Variants in INHBB observed in about 807,000 individuals in gnomAD.
INHBB encodes inhibin beta B chain.
In INHBB, 8 loss-of-function variants were observed where a neutral mutation model predicts 28.9. The ratio of observed to expected loss-of-function variants is 0.28; its 90% CI spans 0.16 to 0.50. The LOEUF (loss-of-function observed/expected upper bound fraction) is 0.50. INHBB is among the 20% of genes least tolerant of loss of function. The pLI is 0.98. For missense variants in INHBB, 499 were observed against 597.8 expected (o/e 0.83, Z 1.72); for synonymous variants, 293 against 262.7 (o/e 1.12, Z -1.12).
chr2:120,346,380 A>G lies in INHBB; in HGVS notation c.192A>G (p.Pro64=), dbSNP rs752529969. ...CGTCGTGCGGCGGCTTCCGGCGGCC[A>G]GAGGAGCTCGGCCGAGTGGACGGCG... The part of the protein sequence containing the change: ...TCTSCGGFRR[P]EELGRVDGDF... The change falls in exon 1 of 2, where the codon CCA becomes CCG. Residue 64 remains proline (P), a synonymous_variant. Transcript: ENST00000295228. 9.2e-5 allele frequency: 135 copies of G among 1,467,220 alleles called. No homozygotes were observed. The African/African-American group carries it at 1.8e-3, about 20-fold the overall frequency. The allele number at this position is 1,467,220 out of a possible 1,614,324, so 90.9% of individuals were successfully genotyped here.
At chr2:120,348,283 G>A (rs1044523453) in intron 1 of INHBB, among the ~76,000 whole-genome samples, 1 of 150,078 alleles carries the variant, frequency 6.7e-6, no homozygotes, top group Non-Finnish European at 1.5e-5. Flanking sequence ...AAGGGTCACC[G>A]GAATGTAGGA....
Position 120,350,671 on chromosome 2 carries a change from A to G in INHBB, c.*797A>G, listed in dbSNP as rs2104575797. ...AATTTGATGCTTTAACTGATCTCCA[A>G]CAGTTGACAGGTCATCCTTGCCAGT... is the stretch of plus-strand genomic sequence containing the variant. On this transcript the variant is annotated 3_prime_UTR_variant, in exon 2 of 2. Transcript: ENST00000295228. 1 of 152,436 alleles carries G rather than the reference A, an allele frequency of 6.6e-6. No homozygotes were observed. The highest frequency in any genetic ancestry group is 1.9e-4 in the East Asian group (1 of 5,186). 9.4% of individuals were successfully genotyped at this position (152,436 alleles called of 1,614,324 possible).
Position 120,346,524 on chromosome 2 carries a change from G to C in INHBB, c.336G>C (p.Ala112=), listed in dbSNP as rs1231032195. ...AMVTALRKLH[A]GKVREDGRVE... ...TCACGGCCCTGCGCAAGCTGCACGC[G>C]GGCAAGGTGCGCGAGGACGGCCGCG... Residue 112 remains alanine (A), a synonymous_variant, in exon 1 of 2, where the codon GCG becomes GCC. Transcript: ENST00000295228. 2.0e-6 allele frequency: 3 copies of C among 1,530,028 alleles called. No individual in the cohort carries two copies. Among genetic ancestry groups the C allele is most frequent in the Non-Finnish European group, 2.6e-6 (3 of 1,145,070 alleles). The allele number at this position is 1,530,028 out of a possible 1,614,324, so 94.8% of individuals were successfully genotyped here. A position where few individuals can be genotyped will look rare whatever the true frequency, so the allele number is the denominator to read the frequency against.
Position 120,346,629 on chromosome 2 carries a change from C to T in INHBB, c.441C>T (p.Ala147=), listed in dbSNP as rs200993826. Residue 147 remains alanine, a synonymous_variant, in exon 1 of 2, where the codon GCC becomes GCT. Transcript: ENST00000295228. The stretch of plus-strand genomic sequence containing the variant: ...GCGTTTCCGAAATCATCAGCTTCGC[C>T]GAGACAGGTGGGTCCGGCCCTCCGG... ...QERVSEIISF[A]ETDGLASSRV... The T allele has an allele frequency of 9.1e-5, 132 of 1,445,856 alleles. 1 individual carries two copies. The East Asian group carries it at 3.6e-3, about 39-fold the overall frequency. The allele number at this position is 1,445,856 out of a possible 1,614,324, so 89.6% of individuals were successfully genotyped here.
At chr2:120,348,678 A>T (rs995303199) in intron 1 of INHBB, among the ~76,000 whole-genome samples, 1 of 138,742 alleles carries the variant, frequency 7.2e-6, no homozygotes, top group Non-Finnish European at 1.6e-5. Flanking sequence ...AAAAAAAAAA[A>T]GCCCTACTAA....
chr2:120,350,495 T>A lies in INHBB; in HGVS notation c.*621T>A, dbSNP rs1311345404. 2 of 152,632 alleles carry A rather than the reference T, an allele frequency of 1.3e-5. No individual in the cohort carries two copies. The highest frequency in any genetic ancestry group is 1.9e-4 in the East Asian group (1 of 5,162). 9.5% of individuals were successfully genotyped at this position (152,632 alleles called of 1,614,324 possible). A position where few individuals can be genotyped will look rare whatever the true frequency, so the allele number is the denominator to read the frequency against. On this transcript the variant is annotated 3_prime_UTR_variant, in exon 2 of 2. Transcript: ENST00000295228. ...GGGAGCCTGTCCTTCCATGCCCTTG[T>A]CGAGGGAAAGAGACCCAGAAAGGAC... is the stretch of plus-strand genomic sequence containing the variant.
chr2:120,346,734 C>T (rs908208248), intron 1 of INHBB, 98 bp downstream of exon 1: 9 of 1,255,310 alleles, frequency 7.2e-6, no homozygotes, highest in Non-Finnish European at 9.3e-6. Context: ...CCGCAGCCCG[C>T]GCGCCCTGGG....
chr2:120,350,823 T>C lies in INHBB; in HGVS notation c.*949T>C, dbSNP rs1406824063. The C allele has an allele frequency of 6.6e-6, 1 of 152,434 alleles. No homozygotes were observed. The highest frequency in any genetic ancestry group is 2.4e-5 in the African/African-American group (1 of 41,440). The allele number at this position is 152,434 out of a possible 1,614,324, so 9.4% of individuals were successfully genotyped here. On this transcript the variant is annotated 3_prime_UTR_variant, in exon 2 of 2. Transcript: ENST00000295228. Reference sequence around the variant, plus strand: ...TTGGGGACATTCCTCTAGGACTGGTTTGGGGACGGGTGGGAATGACCCCTA... The same window carrying C: ...TTGGGGACATTCCTCTAGGACTGGTCTGGGGACGGGTGGGAATGACCCCTA...
Position 120,349,767 on chromosome 2 carries a change from A to G in INHBB, c.1117A>G (p.Ile373Val), listed in dbSNP as rs1573388841. 1 of 1,613,498 alleles carries G rather than the reference A, an allele frequency of 6.2e-7. No homozygotes were observed. Among genetic ancestry groups the G allele is most frequent in the East Asian group, 2.2e-5 (1 of 44,872 alleles). Residue 373 changes from isoleucine (I) to valine (V), a missense_variant, in exon 2 of 2, where the codon ATT (isoleucine) becomes GTT (valine). By Grantham distance (29) the Ile-to-Val change is conservative (BLOSUM62 3). Around this residue, in one of 2 missense-constraint regions of INHBB, gnomAD observed 114 missense variants for 182.6 expected, o/e 0.62. Coordinates refer to ENST00000295228, the MANE Select transcript of INHBB (RefSeq NM_002193.4). The surrounding 1 kb of genome is among the most constrained non-coding windows in gnomAD (Gnocchi z 5.6). Reference protein sequence around the residue: ...LNPGTVNSCCIPTKLSTMSML... With the variant: ...LNPGTVNSCCVPTKLSTMSML... ...CCCCGGCACGGTGAACTCCTGCTGCATTCCCACCAAGCTGAGCACCATGTC... is the reference window on the plus strand; with the variant it reads ...CCCCGGCACGGTGAACTCCTGCTGCGTTCCCACCAAGCTGAGCACCATGTC...
Position 120,346,739 on chromosome 2 carries a change from C to T in INHBB, c.448+103C>T, listed in dbSNP as rs903777670. ...ACCGCCGCCACCGCAGCCCGCGCGCCCTGGGGCAGCCTGGACTCCCGGCAG... is the reference window on the plus strand; with the variant it reads ...ACCGCCGCCACCGCAGCCCGCGCGCTCTGGGGCAGCCTGGACTCCCGGCAG... On this transcript the variant is annotated intron_variant, in intron 1 of 1. Coordinates refer to ENST00000295228, the MANE Select transcript of INHBB (RefSeq NM_002193.4). 44 of 1,174,812 alleles carry T rather than the reference C, an allele frequency of 3.7e-5. 1 individual carries two copies. The African/African-American group carries it at 5.5e-4, about 15-fold the overall frequency. 72.8% of individuals were successfully genotyped at this position (1,174,812 alleles called of 1,614,324 possible). A position where few individuals can be genotyped will look rare whatever the true frequency, so the allele number is the denominator to read the frequency against.
In INHBB at chr2:120,346,331, C is replaced by G. The variant is rs922912209; in HGVS notation, c.143C>G (p.Pro48Arg). The G allele has an allele frequency of 2.2e-6, 3 of 1,393,212 alleles. No homozygotes were observed. Among genetic ancestry groups the G allele is most frequent in the Non-Finnish European group, 2.8e-6 (3 of 1,080,454 alleles). The allele number at this position is 1,393,212 out of a possible 1,614,324, so 86.3% of individuals were successfully genotyped here. A position where few individuals can be genotyped will look rare whatever the true frequency, so the allele number is the denominator to read the frequency against. ...CCGCCACCCCCGCCACCCGGATCCCCGGGTGGCTCGCAGGACACCTGTACG... is the reference window on the plus strand; with the variant it reads ...CCGCCACCCCCGCCACCCGGATCCCGGGGTGGCTCGCAGGACACCTGTACG... ...APPPPPPPGSPGGSQDTCTSC... is the reference protein window; with the variant it reads ...APPPPPPPGSRGGSQDTCTSC... The change falls in exon 1 of 2, where the codon CCG becomes CGG. Residue 48 changes from proline to arginine, a missense_variant. By Grantham distance (103) the Pro-to-Arg change is moderately radical. Around this residue, in one of 2 missense-constraint regions of INHBB, gnomAD observed 385 missense variants for 415.2 expected, o/e 0.93. Coordinates refer to ENST00000295228, the MANE Select transcript of INHBB (RefSeq NM_002193.4).
chr2:120,348,133 C>T (rs1691193106), intron 1 of INHBB, among the ~76,000 whole-genome samples: 1 of 141,486 alleles, frequency 7.1e-6, no homozygotes, highest in African/African-American at 2.7e-5. Flanking sequence ...AGGAGCCAGG[C>T]GAGGCCTGAG....
chr2:120,346,865 G>A (rs1309560947), intron 1 of INHBB, among the ~76,000 whole-genome samples: 2 of 152,194 alleles, frequency 1.3e-5, no homozygotes, highest in Non-Finnish European at 2.9e-5. Flanking sequence ...GCCGCCGATC[G>A]CCTGGCCCTC....
rs2104574992 is a variant in INHBB at position 120,349,493 on chromosome 2, G to T, written c.843G>T (p.Arg281=). ...GGCCCTTTGTGGTGGTGCAGGCTCG[G>T]CTGGGCGACAGCAGGCACCGCATTC... ...SHRPFVVVQA[R]LGDSRHRIRK... Residue 281 remains arginine (R), a synonymous_variant, in exon 2 of 2, where the codon CGG becomes CGT. Coordinates refer to ENST00000295228, the MANE Select transcript of INHBB (RefSeq NM_002193.4). The surrounding 1 kb of genome is among the most constrained non-coding windows in gnomAD (Gnocchi z 5.6). 1 of 1,613,496 alleles carries T rather than the reference G, an allele frequency of 6.2e-7. No individual in the cohort carries two copies. Among genetic ancestry groups the T allele is most frequent in the Non-Finnish European group, 8.5e-7 (1 of 1,179,982 alleles).
Position 120,349,222 on chromosome 2 carries a change from A to G in INHBB, c.572A>G (p.Lys191Arg), listed in dbSNP as rs1691214716. ...YLKLLPYVLE[K>R]GSRRKVRVKV... ...AAACTCCTGCCCTACGTCCTGGAGA[A>G]GGGCAGCCGGCGGAAGGTGCGGGTC... Residue 191 changes from lysine (K) to arginine (R), a missense_variant, in exon 2 of 2, where the codon AAG becomes AGG. By Grantham distance (26) the Lys-to-Arg change is conservative. Transcript: ENST00000295228. This position sits in a 1 kb window ranked among gnomAD's most constrained non-coding sequence, Gnocchi z 5.6. 16 of 1,614,034 alleles carry G rather than the reference A, an allele frequency of 9.9e-6. No individual in the cohort carries two copies. In the East Asian group the frequency reaches 3.6e-4, roughly 36 times the overall value.
rs1573389209 is a variant in INHBB, at chr2:120,350,243, A to T, written c.*369A>T. On this transcript the variant is annotated 3_prime_UTR_variant, in exon 2 of 2. Transcript: ENST00000295228. Reference sequence around the variant, plus strand: ...AATGGGGTGAGCAGCCACCATTCCCACCAGCTGGCCCGGCCACTCTGAATT... The same window carrying T: ...AATGGGGTGAGCAGCCACCATTCCCTCCAGCTGGCCCGGCCACTCTGAATT... 1 of 251,686 alleles carries T rather than the reference A, an allele frequency of 4.0e-6. No individual in the cohort carries two copies. Among genetic ancestry groups the T allele is most frequent in the Non-Finnish European group, 7.7e-6 (1 of 129,310 alleles). The allele number at this position is 251,686 out of a possible 1,614,324, so 15.6% of individuals were successfully genotyped here. A position where few individuals can be genotyped will look rare whatever the true frequency, so the allele number is the denominator to read the frequency against.
Position 120,346,483 on chromosome 2 carries a change from C to A in INHBB, c.295C>A (p.Pro99Thr). 6.4e-7 allele frequency: 1 copy of A among 1,556,990 alleles called. No homozygotes were observed. The highest frequency in any genetic ancestry group is 1.8e-5 in the Admixed American group (1 of 54,252). ...RGRPNITHAV[P>T]KAAMVTALRK... ...CCGGCCCAACATCACGCACGCCGTG[C>A]CTAAGGCCGCCATGGTCACGGCCCT... The change falls in exon 1 of 2, where the codon CCT (proline) becomes ACT (threonine). Residue 99 changes from proline to threonine, a missense_variant. By Grantham distance (38) the Pro-to-Thr change is conservative (BLOSUM62 -1). Around this residue, in one of 2 missense-constraint regions of INHBB, gnomAD observed 385 missense variants for 415.2 expected, o/e 0.93. Coordinates refer to ENST00000295228, the MANE Select transcript of INHBB (RefSeq NM_002193.4).
chr2:120,350,301 C>T lies in INHBB; in HGVS notation c.*427C>T, dbSNP rs1691237002. 2 of 191,832 alleles carry T rather than the reference C, an allele frequency of 1.0e-5. No homozygotes were observed. The highest frequency in any genetic ancestry group is 2.2e-4 in the South Asian group (2 of 9,062). 11.9% of individuals were successfully genotyped at this position (191,832 alleles called of 1,614,324 possible). A position where few individuals can be genotyped will look rare whatever the true frequency, so the allele number is the denominator to read the frequency against. On this transcript the variant is annotated 3_prime_UTR_variant, in exon 2 of 2. Coordinates refer to ENST00000295228, the MANE Select transcript of INHBB (RefSeq NM_002193.4). ...CCGAGCACACATAAAAGCACAAAGACAGAGACGCAGAGAGAGAGAGAGAGC... is the reference window on the plus strand; with the variant it reads ...CCGAGCACACATAAAAGCACAAAGATAGAGACGCAGAGAGAGAGAGAGAGC...
At chr2:120,348,418 A>C (rs1342664467) in intron 1 of INHBB, among the ~76,000 whole-genome samples, 1 of 151,976 alleles carries the variant, frequency 6.6e-6, no homozygotes, top group African/African-American at 2.4e-5. Flanking sequence ...AGGGAGCCAG[A>C]GTCTTGTCAA....
Sources: allele counts gnomAD v4.1 joint callset (sites outside exome capture counted in the v4.1 genomes callset), GRCh38; gene constraint gnomAD v4.1.1; regional missense constraint gnomAD v4.1.1; non-coding constraint Gnocchi (gnomAD v3.1); transcripts MANE v1.5; gene names NCBI Gene and HGNC (gene_info 2026-07-23, HGNC 2026-07-21).